Variants in GRID1 observed in about 807,000 individuals in gnomAD.
GRID1 encodes the protein glutamate receptor ionotropic, delta-1.
A neutral mutation model predicts 98.0 loss-of-function variants in GRID1; 28 were observed. The observed-to-expected ratio is 0.29, with a 90% CI of 0.21 to 0.39. GRID1 has a LOEUF of 0.39. GRID1 is among the 10% of genes least tolerant of loss of function. The probability of loss-of-function intolerance (pLI) is 1.00; values close to 1 mark genes in which losing one functional copy is unlikely to be tolerated. For missense variants in GRID1, 1,111 were observed against 1,340.5 expected, an observed-to-expected ratio of 0.83 and a Z score of 2.67; for synonymous variants, 553 against 538.5, an observed-to-expected ratio of 1.03 and a Z score of -0.37.
intron 4 of GRID1, among the ~76,000 whole-genome samples, chr10:85,975,945 C>T (rs1276802796): frequency 1.3e-5 from 2 of 152,112 alleles, no homozygotes; most frequent in Non-Finnish European, 2.9e-5. Context: ...TTAGAACTAG[C>T]GTGCCATCTG....
intron 2 of GRID1, among the ~76,000 whole-genome samples, chr10:86,319,611 G>A (rs935129631): frequency 2.0e-5 from 3 of 151,922 alleles, no homozygotes; most frequent in Non-Finnish European, 4.4e-5. Context: ...ATCCCACCAT[G>A]GGGAGCACAC....
At chr10:86,325,263 A>T (rs148748939) in intron 2 of GRID1, among the ~76,000 whole-genome samples, 1 of 152,222 alleles carries the variant, frequency 6.6e-6, no homozygotes, top group South Asian at 2.1e-4. Context: ...TATATTAACT[A>T]ATATCATCCT....
At position 85,953,963 on chromosome 10, in the gene GRID1, G is replaced by A. The variant is rs181359264; in HGVS notation, c.727-37724C>T. Among the ~76,000 whole-genome samples the A allele has an allele frequency of 1.8e-3, 269 of 152,144 alleles. 1 individual carries two copies. Among genetic ancestry groups the A allele is most frequent in the African/African-American group, 6.0e-3 (250 of 41,490 alleles). On this transcript the variant is annotated intron_variant, in intron 4 of 15. Coordinates refer to ENST00000327946, the MANE Select transcript of GRID1 (RefSeq NM_017551.3). ...TTGCAGTTCTTTGGCTGTCTTAGCA[G>A]GAAAGGAAATTAATTTACAAAAGAG...
At chr10:85,661,807 T>C (rs569381188) in intron 12 of GRID1, among the ~76,000 whole-genome samples, 1 of 152,324 alleles carries the variant, frequency 6.6e-6, no homozygotes, top group East Asian at 1.9e-4. Context: ...AGCCAATGTC[T>C]TCCTCCGTGG....
intron 4 of GRID1, among the ~76,000 whole-genome samples, chr10:86,119,902 T>C (rs893491351): frequency 1.3e-5 from 2 of 152,160 alleles, no homozygotes; most frequent in African/African-American, 4.8e-5. Context: ...GCCATTCTCC[T>C]GCCTCAGCCT....
intron 12 of GRID1, among the ~76,000 whole-genome samples, chr10:85,682,056 A>G (rs1202313102): frequency 6.6e-6 from 1 of 152,094 alleles, no homozygotes; most frequent in Non-Finnish European, 1.5e-5. Flanking sequence ...AATAAGAACA[A>G]GAAAGACAGA....
chr10:86,210,673 C>CA (rs1306833199), intron 2 of GRID1, among the ~76,000 whole-genome samples: 1 of 152,220 alleles, frequency 6.6e-6, no homozygotes, highest in Non-Finnish European at 1.5e-5. Context: ...CAGGCCTCCA[C>CA]AAAAAGGGTG....
At chr10:85,994,724 TG>T (rs1186676317) in intron 4 of GRID1, among the ~76,000 whole-genome samples, 1 of 152,226 alleles carries the variant, frequency 6.6e-6, no homozygotes, top group Non-Finnish European at 1.5e-5. Flanking sequence ...AAACCATGGC[TG>T]TAAACTCATC....
chr10:86,331,457 T>C (rs894821649), intron 2 of GRID1, among the ~76,000 whole-genome samples: 16 of 152,156 alleles, frequency 1.1e-4, no homozygotes, highest in African/African-American at 3.6e-4. Flanking sequence ...TTGGTAGCAA[T>C]TGTGATGCCC....
intron 8 of GRID1, among the ~76,000 whole-genome samples, chr10:85,824,437 C>A (rs1189525210): frequency 6.6e-6 from 1 of 152,228 alleles, no homozygotes; most frequent in African/African-American, 2.4e-5. Context: ...GTCTCGAATT[C>A]CTGGCCTTAA....
intron 8 of GRID1, among the ~76,000 whole-genome samples, chr10:85,785,444 G>A (rs1842419169): frequency 6.6e-6 from 1 of 152,194 alleles, no homozygotes; most frequent in Admixed American, 6.5e-5. Context: ...AGAAAAGTGG[G>A]GACTAGGAAG....
chr10:85,702,819 G>A (rs1373108241), intron 12 of GRID1, among the ~76,000 whole-genome samples: 1 of 151,290 alleles, frequency 6.6e-6, no homozygotes, highest in Non-Finnish European at 1.5e-5. Context: ...GGGAGGAAAA[G>A]AAGGAAGAAA....
chr10:86,354,838 C>T (rs1589460435), intron 2 of GRID1, among the ~76,000 whole-genome samples: 1 of 152,316 alleles, frequency 6.6e-6, no homozygotes, highest in East Asian at 1.9e-4. Context: ...AGAGCCCCAG[C>T]CTATACAGAT....
Position 86,138,872 on chromosome 10 carries a change from G to A in GRID1, c.673C>T (p.Arg225Cys), listed in dbSNP as rs199714522. Residue 225 changes from arginine to cysteine, a missense_variant, in exon 4 of 16, where the codon CGC becomes TGC. This residue lies in a region of GRID1 where 346 missense variants were observed against 452.3 expected (regional missense o/e 0.76). Transcript: ENST00000327946. Reference protein sequence around the residue: ...EELNRYRDTLRRAILLLSPQG... With the variant: ...EELNRYRDTLCRAILLLSPQG... ...GGGCTGAGCAGCAGGATGGCGCGGC[G>A]AAGCGTGTCCCGGTAGCGATTCAGC... 3.3e-5 allele frequency: 54 copies of A among 1,614,214 alleles called. No individual in the cohort carries two copies. The African/African-American group carries it at 5.6e-4, about 17-fold the overall frequency.
chr10:85,920,034 G>A (rs1328420498), intron 4 of GRID1, among the ~76,000 whole-genome samples: 2 of 152,130 alleles, frequency 1.3e-5, no homozygotes, highest in Non-Finnish European at 2.9e-5. Flanking sequence ...AGAGTGCCAC[G>A]AAAACAAATC....
At chr10:86,034,960 G>GCATGGATA (rs1843238405) in intron 4 of GRID1, among the ~76,000 whole-genome samples, 1 of 150,496 alleles carries the variant, frequency 6.6e-6, no homozygotes, top group African/African-American at 2.4e-5. Context: ...ATGGATAGAT[G>GCATGGATA]GTTGGATGGA....
chr10:86,042,016 C>T (rs1318924425), intron 4 of GRID1, among the ~76,000 whole-genome samples: 1 of 152,206 alleles, frequency 6.6e-6, no homozygotes, highest in Non-Finnish European at 1.5e-5. Flanking sequence ...AAAGCCAACC[C>T]TCTTGCTTAG....
At chr10:86,157,623 C>T (rs562607661) in intron 3 of GRID1, among the ~76,000 whole-genome samples, 3 of 152,322 alleles carry the variant, frequency 2.0e-5, no homozygotes, top group Non-Finnish European at 2.9e-5. Flanking sequence ...AGGACCCCTC[C>T]CACGGACAGC....
intron 2 of GRID1, among the ~76,000 whole-genome samples, chr10:86,288,605 G>A (rs557565817): frequency 1.7e-4 from 26 of 152,278 alleles, no homozygotes; most frequent in Admixed American, 5.2e-4. Flanking sequence ...TTGCGTTCTG[G>A]GGGAAAAGTA....
Sources: allele counts gnomAD v4.1 joint callset (sites outside exome capture counted in the v4.1 genomes callset), GRCh38; gene constraint gnomAD v4.1.1; regional missense constraint gnomAD v4.1.1; transcripts MANE v1.5; gene names NCBI Gene and HGNC (gene_info 2026-07-23, HGNC 2026-07-21).